Variants in DNAH11 observed in about 807,000 individuals in gnomAD.
DNAH11 encodes the protein dynein axonemal heavy chain 11.
In DNAH11, 442 loss-of-function variants were observed where a neutral mutation model predicts 526.0. The ratio of observed to expected loss-of-function variants is 0.84; its 90% confidence interval spans 0.78 to 0.91. The LOEUF (loss-of-function observed/expected upper bound fraction) is 0.91, where lower values mean the gene tolerates loss of function less well. DNAH11 is among the 40% of genes least tolerant of loss of function. DNAH11 has a pLI of 0.00. For missense variants in DNAH11, 6,989 were observed against 5,448.7 expected, an observed-to-expected ratio of 1.28 and a Z score of -8.90; for synonymous variants, 2,461 against 1,935.9, an observed-to-expected ratio of 1.27 and a Z score of -7.12.
At position 21,880,245 on chromosome 7, in the gene DNAH11, C is replaced by A. The variant is rs556450432; in HGVS notation, c.12196-457C>A. Among the ~76,000 whole-genome samples the A allele has an allele frequency of 7.2e-5, 11 of 152,226 alleles. No individual in the cohort carries two copies. The East Asian group carries it at 2.1e-3, about 29-fold the overall frequency. On this transcript the variant is annotated intron_variant, in intron 74 of 81. Transcript: ENST00000409508. ...ATGACACAAATGGCTTCATGGGAGGCTGGGAAACAGTCAAGGGTGTCCATG... is the reference window on the plus strand; with the variant it reads ...ATGACACAAATGGCTTCATGGGAGGATGGGAAACAGTCAAGGGTGTCCATG...
intron 74 of DNAH11, among the ~76,000 whole-genome samples, chr7:21,879,158 AT>A (rs1365083721): frequency 1.3e-5 from 2 of 152,136 alleles, no homozygotes; most frequent in African/African-American, 2.4e-5. Context: ...TTAAAAAAAA[AT>A]CTCACAGGTC....
chr7:21,830,081 G>A (rs553560057), intron 65 of DNAH11, among the ~76,000 whole-genome samples: 1 of 152,236 alleles, frequency 6.6e-6, no homozygotes, highest in African/African-American at 2.4e-5. Flanking sequence ...TATTCCCAGT[G>A]TACCTGGCTT....
At position 21,683,836 on chromosome 7, in the gene DNAH11, A is replaced by C; in HGVS notation, c.5513A>C (p.Glu1838Ala). 1 of 1,613,198 alleles carries C rather than the reference A, an allele frequency of 6.2e-7. No individual in the cohort carries two copies. The highest frequency in any genetic ancestry group is 2.2e-5 in the East Asian group (1 of 44,864). ...CTGTCTCAACTTCGTCACCGATGGG[A>C]GGATACCCAGAAACACTGCTTTGTT... ...TWLSQLRHRW[E>A]DTQKHCFVNI... The change falls in exon 32 of 82, where the codon GAG (glutamate) becomes GCG (alanine). Residue 1838 changes from glutamate to alanine, a missense_variant. Glu to Ala is a moderately radical substitution (Grantham distance 107). Coordinates refer to ENST00000409508, the MANE Select transcript of DNAH11 (RefSeq NM_001277115.2).
chr7:21,736,479 C>A (rs1182330735), intron 46 of DNAH11, among the ~76,000 whole-genome samples: 1 of 152,190 alleles, frequency 6.6e-6, no homozygotes, highest in African/African-American at 2.4e-5. Flanking sequence ...ACCAGACTCT[C>A]TGATATCCGG....
At chr7:21,702,828 T>C (rs1784121006) in intron 37 of DNAH11, 26 bp downstream of exon 37, 1 of 1,591,004 alleles carries the variant, frequency 6.3e-7, no homozygotes, top group Non-Finnish European at 8.6e-7. Flanking sequence ...TATGATTTTG[T>C]TGAGTGAGTA....
Position 21,575,712 on chromosome 7 carries a change from T to A in DNAH11, c.1593+3739T>A, listed in dbSNP as rs73269769. Among the ~76,000 whole-genome samples, 487 of 152,318 alleles carry A rather than the reference T, an allele frequency of 3.2e-3. 2 individuals carry two copies. The highest frequency in any genetic ancestry group is 0.011 in the African/African-American group (452 of 41,576). ...CTTCCATTTTTCCTCCCCAAAGGCA[T>A]CTCTATTAAAAATTTCTTATATGAT... On this transcript the variant is annotated intron_variant, in intron 8 of 81. Transcript: ENST00000409508.
At chr7:21,841,059 C>T (rs540517784) in intron 65 of DNAH11, among the ~76,000 whole-genome samples, 12 of 152,160 alleles carry the variant, frequency 7.9e-5, no homozygotes, top group African/African-American at 2.9e-4. Context: ...TGGCATGCAC[C>T]TGTAATCTCA....
intron 43 of DNAH11, among the ~76,000 whole-genome samples, chr7:21,718,467 C>A (rs578243775): frequency 6.6e-6 from 1 of 152,250 alleles, no homozygotes; most frequent in South Asian, 2.1e-4. Context: ...CAGGCCTCCC[C>A]CTCCCAAAAA....
intron 66 of DNAH11, among the ~76,000 whole-genome samples, chr7:21,844,375 G>C (rs1278774502): frequency 6.6e-6 from 1 of 152,192 alleles, no homozygotes; most frequent in South Asian, 2.1e-4. Flanking sequence ...CAGTGTGCCA[G>C]GATAGTGCCA....
intron 39 of DNAH11, 80 bp downstream of exon 39, chr7:21,705,617 C>T (rs1784234174): frequency 7.2e-7 from 1 of 1,391,494 alleles, no homozygotes; most frequent in African/African-American, 1.4e-5. Context: ...TTCAATGCTA[C>T]TCAAAAGAAT....
intron 6 of DNAH11, among the ~76,000 whole-genome samples, chr7:21,569,718 C>T (rs1275960895): frequency 1.3e-5 from 2 of 152,100 alleles, no homozygotes; most frequent in African/African-American, 4.8e-5. Flanking sequence ...CCTTGTCTGC[C>T]TCGTATATTC....
chr7:21,623,824 G>A (rs1786197939), intron 25 of DNAH11, among the ~76,000 whole-genome samples: 1 of 151,492 alleles, frequency 6.6e-6, no homozygotes, highest in African/African-American at 2.4e-5. Context: ...GTGGGGTGGG[G>A]GGAGGAGGGA....
At chr7:21,767,402 C>A (rs1787227486) in intron 55 of DNAH11, among the ~76,000 whole-genome samples, 1 of 152,056 alleles carries the variant, frequency 6.6e-6, no homozygotes, top group African/African-American at 2.4e-5. Flanking sequence ...TTTTCCTGTC[C>A]AGGTGGGTGC....
intron 69 of DNAH11, among the ~76,000 whole-genome samples, chr7:21,863,359 C>T (rs1050589283): frequency 3.3e-5 from 5 of 152,170 alleles, no homozygotes; most frequent in Non-Finnish European, 5.9e-5. Context: ...GACGGAGTCT[C>T]GCTGTGTCGC....
intron 57 of DNAH11, 144 bp downstream of exon 57, chr7:21,779,248 C>G (rs1787830461): frequency 4.0e-6 from 4 of 1,010,406 alleles, no homozygotes; most frequent in Non-Finnish European, 4.1e-6. Context: ...CAGCATTTCA[C>G]ACCGTGATTA....
At chr7:21,652,905 T>C (rs1223887718) in intron 28 of DNAH11, among the ~76,000 whole-genome samples, 11 of 152,148 alleles carry the variant, frequency 7.2e-5, no homozygotes, top group Admixed American at 7.2e-4. Flanking sequence ...AGATGGAGTT[T>C]TGCTGTTGTT....
intron 50 of DNAH11, 52 bp from the exon 51 acceptor site, chr7:21,744,818 G>A: frequency 1.3e-6 from 2 of 1,554,556 alleles, no homozygotes; most frequent in Non-Finnish European, 1.7e-6. Context: ...GCCTGCAGCT[G>A]GACCTCTATG....
chr7:21,874,409 C>G (rs1351378612), intron 74 of DNAH11, among the ~76,000 whole-genome samples: 3 of 151,884 alleles, frequency 2.0e-5, no homozygotes, highest in South Asian at 2.1e-4. Flanking sequence ...GATCTTGGCT[C>G]ACTGCAACCT....
chr7:21,656,725 C>G (rs1782030875), intron 29 of DNAH11, among the ~76,000 whole-genome samples: 1 of 152,124 alleles, frequency 6.6e-6, no homozygotes, highest in African/African-American at 2.4e-5. Context: ...GCAGGGGTTC[C>G]TGAAAGTATT....
Sources: allele counts gnomAD v4.1 joint callset (sites outside exome capture counted in the v4.1 genomes callset), GRCh38; gene constraint gnomAD v4.1.1; transcripts MANE v1.5; gene names NCBI Gene and HGNC (gene_info 2026-07-23, HGNC 2026-07-21).